Variants in ADAMTSL1 observed in about 807,000 individuals in gnomAD.
ADAMTSL1 encodes ADAMTS-like protein 1.
Under a neutral mutation model 201.8 loss-of-function variants are expected in ADAMTSL1, and 126 were observed. The observed-to-expected ratio is 0.62, with a 90% CI of 0.54 to 0.72. ADAMTSL1 has a LOEUF of 0.72. Among genes scored for constraint, ADAMTSL1 ranks in the 30% least tolerant of loss-of-function variants. The probability of loss-of-function intolerance (pLI) is 0.00; values close to 1 mark genes in which losing one functional copy is unlikely to be tolerated. For synonymous variants in ADAMTSL1, 1,121 were observed against 903.4 expected (o/e 1.24, Z -4.32); for missense variants, 2,679 against 2,277.8 (o/e 1.18, Z -3.59).
At chr9:18,816,484 A>C (rs1823855436) in intron 20 of ADAMTSL1, among the ~76,000 whole-genome samples, 1 of 152,016 alleles carries the variant, frequency 6.6e-6, no homozygotes, top group African/African-American at 2.4e-5. Flanking sequence ...TGATCGACCC[A>C]CCTCAGCCTC....
At chr9:18,564,660 T>A (rs538991629) in intron 3 of ADAMTSL1, among the ~76,000 whole-genome samples, 4 of 152,302 alleles carry the variant, frequency 2.6e-5, no homozygotes, top group Non-Finnish European at 5.9e-5. Flanking sequence ...GCTTATAAAA[T>A]GAAATTGTAT....
chr9:18,777,839 G>A lies in ADAMTSL1; in HGVS notation c.3610G>A (p.Ala1204Thr), dbSNP rs751316315. Residue 1204 changes from alanine (A) to threonine (T), a missense_variant, in exon 19 of 29, where the codon GCC (alanine) becomes ACC (threonine). Coordinates refer to ENST00000380548, the MANE Select transcript of ADAMTSL1 (RefSeq NM_001040272.6). ...GTLSVLLHCEAIGHPRPTISW... is the reference protein window; with the variant it reads ...GTLSVLLHCETIGHPRPTISW... Reference sequence around the variant, plus strand: ...ACTGAGTGTTCTTCTGCACTGTGAGGCCATCGGCCACCCAAGGCCTACCAT... The same window carrying A: ...ACTGAGTGTTCTTCTGCACTGTGAGACCATCGGCCACCCAAGGCCTACCAT... The A allele has an allele frequency of 6.2e-7, 1 of 1,603,636 alleles. No individual in the cohort carries two copies. The highest frequency in any genetic ancestry group is 8.5e-7 in the Non-Finnish European group (1 of 1,172,448).
chr9:18,270,278 A>G (rs1587436971), intron 2 of ADAMTSL1, among the ~76,000 whole-genome samples: 1 of 152,118 alleles, frequency 6.6e-6, no homozygotes, highest in Admixed American at 6.6e-5. Context: ...AATCTCATTC[A>G]TGAGGACTCA....
At chr9:18,422,129 G>A (rs1435212309) in intron 2 of ADAMTSL1, among the ~76,000 whole-genome samples, 1 of 151,866 alleles carries the variant, frequency 6.6e-6, no homozygotes, top group East Asian at 1.9e-4. Flanking sequence ...AAATCTCCCT[G>A]GTGATTTTCT....
At position 17,910,206 on chromosome 9, in the gene ADAMTSL1, A is replaced by G. The variant is rs1159599340; in HGVS notation, c.87+3284A>G. ...AGGTCCTACCAGCTTTAACAACACCAGGCAGGTTGACATCTGAACCAAATT... is the reference window on the plus strand; with the variant it reads ...AGGTCCTACCAGCTTTAACAACACCGGGCAGGTTGACATCTGAACCAAATT... On this transcript the variant is annotated intron_variant, in intron 1 of 29. Coordinates refer to the ADAMTSL1 transcript ENST00000680146. Among the ~76,000 whole-genome samples, 5 of 68,194 alleles carry G rather than the reference A, an allele frequency of 7.3e-5. 2 individuals are homozygous for G. Among genetic ancestry groups the G allele is most frequent in the Non-Finnish European group, 1.3e-4 (3 of 22,350 alleles). The allele number at this position is 68,194 out of a possible 152,430, so 44.7% of individuals were successfully genotyped here.
At chr9:18,134,477 A>G (rs191021764) in intron 1 of ADAMTSL1, among the ~76,000 whole-genome samples, 2 of 152,296 alleles carry the variant, frequency 1.3e-5, no homozygotes, top group African/African-American at 2.4e-5. Context: ...CCCTAAGAGT[A>G]TAACGTCCCT....
intron 3 of ADAMTSL1, among the ~76,000 whole-genome samples, chr9:18,537,900 A>AGAAGAAGAAGAAGAAGAGAAG (rs1819884280): frequency 7.3e-6 from 1 of 136,294 alleles, no homozygotes; most frequent in African/African-American, 2.9e-5. Context: ...AAAAGAAGAA[A>AGAAGAAGAAGAAGAAGAGAAG]GAAGAAGAAG....
intron 3 of ADAMTSL1, among the ~76,000 whole-genome samples, chr9:18,544,492 A>G (rs533305155): frequency 6.6e-6 from 1 of 152,200 alleles, no homozygotes; most frequent in South Asian, 2.1e-4. Context: ...CATAGGAGAT[A>G]TTGTCCCCTA....
At chr9:18,274,857 T>C (rs1400232262) in intron 2 of ADAMTSL1, among the ~76,000 whole-genome samples, 1 of 152,238 alleles carries the variant, frequency 6.6e-6, no homozygotes, top group Admixed American at 6.5e-5. Context: ...GCCTGTACTT[T>C]GAGGAATTTG....
intron 1 of ADAMTSL1, among the ~76,000 whole-genome samples, chr9:18,081,968 A>G (rs1311340970): frequency 6.6e-6 from 1 of 152,310 alleles, no homozygotes; most frequent in African/African-American, 2.4e-5. Flanking sequence ...AGTCTTTGTT[A>G]TATTGATAAT....
intron 1 of ADAMTSL1, among the ~76,000 whole-genome samples, chr9:18,006,678 T>A: frequency 6.6e-6 from 1 of 151,986 alleles, no homozygotes; most frequent in East Asian, 1.9e-4. Context: ...ATGGATTTGA[T>A]TGATTTGATT....
chr9:18,294,487 A>C (rs1833394999), intron 2 of ADAMTSL1, among the ~76,000 whole-genome samples: 1 of 152,138 alleles, frequency 6.6e-6, no homozygotes, highest in African/African-American at 2.4e-5. Flanking sequence ...CCTGGGGCTG[A>C]GTACCTTTGT....
intron 2 of ADAMTSL1, among the ~76,000 whole-genome samples, chr9:18,246,556 G>A (rs1831264625): frequency 6.6e-6 from 1 of 152,228 alleles, no homozygotes; most frequent in East Asian, 1.9e-4. Context: ...GTGCCAAAAA[G>A]ACTTTACCTA....
At chr9:18,532,248 T>C (rs1318042838) in intron 2 of ADAMTSL1, among the ~76,000 whole-genome samples, 1 of 152,180 alleles carries the variant, frequency 6.6e-6, no homozygotes, top group Non-Finnish European at 1.5e-5. Context: ...TCTCATGTAT[T>C]GCTGGTGGGA....
At chr9:18,338,016 A>G (rs1362498004) in intron 2 of ADAMTSL1, among the ~76,000 whole-genome samples, 1 of 152,044 alleles carries the variant, frequency 6.6e-6, no homozygotes, top group Admixed American at 6.6e-5. Context: ...ACAGGGAGAA[A>G]GATTATTTAG....
intron 11 of ADAMTSL1, 100 bp from the exon 12 acceptor site, chr9:18,681,712 G>GA (rs1830500628): frequency 1.1e-6 from 1 of 880,160 alleles, no homozygotes; most frequent in Non-Finnish European, 1.5e-6. Flanking sequence ...GGGGGGGGCG[G>GA]GGAAAAAGAA....
chr9:18,840,732 TC>T (rs1413157064), intron 23 of ADAMTSL1, among the ~76,000 whole-genome samples: 2 of 151,208 alleles, frequency 1.3e-5, no homozygotes, highest in Non-Finnish European at 3.0e-5. Flanking sequence ...TTTGTAGTTC[TC>T]CTTGAAGAGG....
intron 1 of ADAMTSL1, among the ~76,000 whole-genome samples, chr9:17,965,260 C>G (rs1817938302): frequency 6.6e-6 from 1 of 151,884 alleles, no homozygotes; most frequent in African/African-American, 2.4e-5. Context: ...TAGTTTTATA[C>G]CAGAATAAAA....
intron 12 of ADAMTSL1, among the ~76,000 whole-genome samples, chr9:18,683,551 T>C (rs959899904): frequency 2.0e-5 from 3 of 152,204 alleles, no homozygotes; most frequent in East Asian, 1.9e-4. Flanking sequence ...ACTGGGATAG[T>C]TGGAGTAGTT....
Sources: gnomAD v4.1 joint callset for allele counts (sites outside exome capture counted in the v4.1 genomes callset) on GRCh38, gnomAD v4.1.1 for gene constraint, MANE v1.5 for transcripts, NCBI Gene and HGNC (gene_info 2026-07-23, HGNC 2026-07-21) for gene names.